KCNQ4: variants seen among roughly 807,000 people sequenced by gnomAD.
The protein encoded by KCNQ4 is potassium voltage-gated channel subfamily KQT member 4.
Under a neutral mutation model 72.6 loss-of-function variants are expected in KCNQ4, and 31 were observed. That is an observed-to-expected ratio of 0.43 (90% CI 0.32 to 0.58). KCNQ4 has a LOEUF of 0.58. Ranked by LOEUF, KCNQ4 falls within the 20% of genes least tolerant of loss-of-function variation. The pLI, the probability that KCNQ4 is intolerant of heterozygous loss-of-function variation, is 0.08. For synonymous variants in KCNQ4, 405 were observed against 403.7 expected (o/e 1.00, Z -0.04); for missense variants, 869 against 962.6 (o/e 0.90, Z 1.29).
At chr1:40,802,977 A>G (rs925631007) in intron 1 of KCNQ4, among the ~76,000 whole-genome samples, 11 of 152,330 alleles carry the variant, frequency 7.2e-5, no homozygotes, top group Admixed American at 4.6e-4. Context: ...TGCCTCATTT[A>G]GAAGAGGAGG....
intron 1 of KCNQ4, among the ~76,000 whole-genome samples, chr1:40,799,380 C>T (rs1397948985): frequency 6.6e-6 from 1 of 152,150 alleles, no homozygotes; most frequent in Non-Finnish European, 1.5e-5. Context: ...CCTGGGCCAC[C>T]CCTTCCTGGA....
intron 1 of KCNQ4, among the ~76,000 whole-genome samples, chr1:40,802,281 C>T (rs953913440): frequency 1.3e-5 from 2 of 151,748 alleles, no homozygotes; most frequent in African/African-American, 2.4e-5. Context: ...CGCGTCCCCC[C>T]TCTCCGCCCC....
chr1:40,809,383 A>C (rs1245589405), intron 1 of KCNQ4, among the ~76,000 whole-genome samples: 1 of 152,014 alleles, frequency 6.6e-6, no homozygotes, highest in Non-Finnish European at 1.5e-5. Context: ...ATACCCATGG[A>C]GTGTTTGCCC....
At chr1:40,820,649 T>A (rs1318903966) in intron 7 of KCNQ4, among the ~76,000 whole-genome samples, 1 of 152,234 alleles carries the variant, frequency 6.6e-6, no homozygotes, top group Non-Finnish European at 1.5e-5. Flanking sequence ...ATTCATTCAT[T>A]CATTCCACAA....
chr1:40,822,477 A>C, intron 8 of KCNQ4, 75 bp downstream of exon 8: 1 of 1,241,844 alleles, frequency 8.1e-7, no homozygotes, highest in Non-Finnish European at 1.1e-6. Flanking sequence ...CTGAGACTCA[A>C]CCCTGGAGGG....
At chr1:40,816,703 T>C (rs1359858715) in intron 1 of KCNQ4, among the ~76,000 whole-genome samples, 1 of 152,188 alleles carries the variant, frequency 6.6e-6, no homozygotes, top group East Asian at 1.9e-4. Flanking sequence ...CATCATTCCT[T>C]CTCTACCTGT....
rs566952002 is a variant in KCNQ4, at chr1:40,824,205, G to A, written c.1239G>A (p.Pro413=). The change falls in exon 9 of 14, where the codon CCG becomes CCA. Residue 413 remains proline, a synonymous_variant. Transcript: ENST00000347132. ...PVPDGAPSRY[P]PVATCHRPGS... ...CCGACGGAGCACCCTCCCGTTACCC[G>A]CCCGTTGCCACCTGCCACCGGCCGG... The A allele has an allele frequency of 1.7e-5, 27 of 1,599,684 alleles. No homozygotes were observed. The highest frequency in any genetic ancestry group is 1.7e-4 in the Middle Eastern group (1 of 5,744).
chr1:40,818,482 T>C (rs1407306958), intron 3 of KCNQ4, 23 bp from the exon 4 acceptor site: 3 of 1,598,550 alleles, frequency 1.9e-6, no homozygotes, highest in African/African-American at 2.7e-5. Context: ...CTGGCTGTGA[T>C]CTCGCCGCCC....
rs1272925197 is a variant in KCNQ4 at position 40,838,708 on chromosome 1, C to T, written c.*185C>T. Reference sequence around the variant, plus strand: ...TGTGGGTGCCAGCGCCCCTTCCCCACCTCAGGAGCGTGAGATGCCAGGTCG... The same window carrying T: ...TGTGGGTGCCAGCGCCCCTTCCCCATCTCAGGAGCGTGAGATGCCAGGTCG... On this transcript the variant is annotated 3_prime_UTR_variant, in exon 14 of 14. Transcript: ENST00000347132. 2 of 644,594 alleles carry T rather than the reference C, an allele frequency of 3.1e-6. No homozygotes were observed. The highest frequency in any genetic ancestry group is 5.5e-6 in the Non-Finnish European group (2 of 362,452). 39.9% of individuals were successfully genotyped at this position (644,594 alleles called of 1,614,324 possible).
In KCNQ4 at chr1:40,784,532, C is replaced by T. The variant is rs1263623140; in HGVS notation, c.314+125C>T. On this transcript the variant is annotated intron_variant, in intron 1 of 13. Transcript: ENST00000347132. This position sits in a 1 kb window ranked among gnomAD's most constrained non-coding sequence, Gnocchi z 4.1. ...TCAGGGCCGACCCTCATCTCTCTCC[C>T]CCCAGGCCTAAGCCCGGTTTCTGAT... 2.9e-5 allele frequency: 26 copies of T among 908,242 alleles called. No individual in the cohort carries two copies. In the South Asian group the frequency reaches 2.9e-4, roughly 10 times the overall value. The allele number at this position is 908,242 out of a possible 1,614,324, so 56.3% of individuals were successfully genotyped here. A position where few individuals can be genotyped will look rare whatever the true frequency, so the allele number is the denominator to read the frequency against.
In KCNQ4 at chr1:40,839,722, C is replaced by T. The variant is rs1018499716; in HGVS notation, c.*1199C>T. 2.0e-5 allele frequency: 3 copies of T among 152,556 alleles called. No homozygotes were observed. Among genetic ancestry groups the T allele is most frequent in the Admixed American group, 2.0e-4 (3 of 15,290 alleles). The allele number at this position is 152,556 out of a possible 1,614,324, so 9.5% of individuals were successfully genotyped here. On this transcript the variant is annotated 3_prime_UTR_variant, in exon 14 of 14. Coordinates refer to ENST00000347132, the MANE Select transcript of KCNQ4 (RefSeq NM_004700.4). Reference sequence around the variant, plus strand: ...TCTGCCTGTCCCCAAGGGCCCGCCTCCGTGTCTCCACAGCACAACTCGGGC... The same window carrying T: ...TCTGCCTGTCCCCAAGGGCCCGCCTTCGTGTCTCCACAGCACAACTCGGGC...
intron 1 of KCNQ4, among the ~76,000 whole-genome samples, chr1:40,804,446 A>G (rs1351589273): frequency 1.3e-5 from 2 of 152,174 alleles, no homozygotes; most frequent in Non-Finnish European, 2.9e-5. Context: ...AAGGTTGGTT[A>G]ATCTCTAAGG....
intron 4 of KCNQ4, 68 bp downstream of exon 4, chr1:40,818,748 G>T: frequency 2.0e-6 from 3 of 1,511,130 alleles, no homozygotes; most frequent in Non-Finnish European, 2.7e-6. Context: ...CGGGCAGGGC[G>T]GAGAGGGCGA....
chr1:40,832,044 C>T (rs1306229996), intron 10 of KCNQ4, among the ~76,000 whole-genome samples: 2 of 152,256 alleles, frequency 1.3e-5, no homozygotes, highest in African/African-American at 4.8e-5. Context: ...GCTGATGTCA[C>T]TTTTCTGAGT....
At position 40,831,156 on chromosome 1, in the gene KCNQ4, T is replaced by G. The variant is rs34287852; in HGVS notation, c.1365T>G (p.His455Gln). ...GGCGGACGGGTCCTTCCAAGCAGCATCTGGCACCTCCAACAATGCCCACCT... is the reference window on the plus strand; with the variant it reads ...GGCGGACGGGTCCTTCCAAGCAGCAGCTGGCACCTCCAACAATGCCCACCT... ...SQRRTGPSKQ[H>Q]LAPPTMPTSP... The change falls in exon 10 of 14, where the codon CAT becomes CAG. Residue 455 changes from histidine (H) to glutamine (Q), a missense_variant. His to Gln is a conservative substitution (Grantham distance 24). Transcript: ENST00000347132. 347,477 of 1,609,926 alleles carry G rather than the reference T, an allele frequency of 0.22. 40,609 individuals are homozygous for G. Among genetic ancestry groups the G allele is most frequent in the Non-Finnish European group, 0.24 (288,406 of 1,178,004 alleles).
rs964002433 is a variant in KCNQ4 at position 40,788,477 on chromosome 1, G to C, written c.314+4070G>C. Among the ~76,000 whole-genome samples, 1 of 152,216 alleles carries C rather than the reference G, an allele frequency of 6.6e-6. No individual in the cohort carries two copies. The highest frequency in any genetic ancestry group is 1.5e-5 in the Non-Finnish European group (1 of 68,044). The stretch of plus-strand genomic sequence containing the variant: ...CCAACTATGCACAGGGCACCCTGCT[G>C]AGCTCTCTCTAAACCGGTCTCATTG... On this transcript the variant is annotated intron_variant, in intron 1 of 13. Coordinates refer to ENST00000347132, the MANE Select transcript of KCNQ4 (RefSeq NM_004700.4). The surrounding 1 kb of genome is among the most constrained non-coding windows in gnomAD (Gnocchi z 4.5).
At chr1:40,814,046 C>CTTTTTTTTTTTTT (rs35243800) in intron 1 of KCNQ4, among the ~76,000 whole-genome samples, 12 of 52,708 alleles carry the variant, frequency 2.3e-4, no homozygotes, top group African/African-American at 3.2e-4. Flanking sequence ...TGCGCCCGGC[C>CTTTTTTTTTTTTT]TTTTTTTTTT....
In KCNQ4 at chr1:40,838,752, C is replaced by T; in HGVS notation, c.*229C>T. ...CAGGTCGCACAGAGGGCAGCAGCAG[C>T]GGCCGTCCCGCGGCCTCTGGGCCCC... is the stretch of plus-strand genomic sequence containing the variant. On this transcript the variant is annotated 3_prime_UTR_variant, in exon 14 of 14. Transcript: ENST00000347132. 2 of 598,458 alleles carry T rather than the reference C, an allele frequency of 3.3e-6. No individual in the cohort carries two copies. Among genetic ancestry groups the T allele is most frequent in the Admixed American group, 2.8e-5 (1 of 35,868 alleles). 37.1% of individuals were successfully genotyped at this position (598,458 alleles called of 1,614,324 possible).
At chr1:40,786,011 A>G (rs972789919) in intron 1 of KCNQ4, among the ~76,000 whole-genome samples, 1 of 152,122 alleles carries the variant, frequency 6.6e-6, no homozygotes, top group Admixed American at 6.5e-5. Context: ...CCCAGTCCTT[A>G]GTGTCCATTG....
Sources: allele counts gnomAD v4.1 joint callset (sites outside exome capture counted in the v4.1 genomes callset), GRCh38; gene constraint gnomAD v4.1.1; non-coding constraint Gnocchi (gnomAD v3.1); transcripts MANE v1.5; gene names NCBI Gene and HGNC (gene_info 2026-07-23, HGNC 2026-07-21).